PABPC4L: variants seen among roughly 807,000 people sequenced by gnomAD.
The protein encoded by PABPC4L is polyadenylate-binding protein 4-like.
For synonymous variants in PABPC4L, 169 were observed against 164.1 expected (o/e 1.03, Z -0.23); for missense variants, 452 against 451.4 (o/e 1.00, Z -0.01).
At chr4:134,062,032 A>C in the PABPC4L span, among the ~76,000 whole-genome samples, 1 of 151,946 alleles carries the variant, frequency 6.6e-6, no homozygotes, top group African/African-American at 2.4e-5. Context: ...ATATGATACT[A>C]ATCTTAAATC....
the PABPC4L span, among the ~76,000 whole-genome samples, chr4:134,097,947 G>A: frequency 6.6e-6 from 1 of 151,852 alleles, no homozygotes; most frequent in Admixed American, 6.6e-5. Context: ...GCAGTAGCTA[G>A]ACCTACTTCT....
the PABPC4L span, among the ~76,000 whole-genome samples, chr4:133,979,715 G>C: frequency 6.6e-6 from 1 of 152,086 alleles, no homozygotes; most frequent in African/African-American, 2.4e-5. Flanking sequence ...GTTTTTTAGA[G>C]AATATCAGGC....
At chr4:133,987,518 T>C in the PABPC4L span, among the ~76,000 whole-genome samples, 1 of 152,092 alleles carries the variant, frequency 6.6e-6, no homozygotes, top group Admixed American at 6.6e-5. Context: ...TTTTCACTTC[T>C]CTGAAATGAA....
the PABPC4L span, among the ~76,000 whole-genome samples, chr4:134,120,463 T>C: frequency 1.2e-3 from 181 of 150,294 alleles, no homozygotes; most frequent in African/African-American, 4.2e-3. Flanking sequence ...TATATTATAA[T>C]GTTCTTCATT....
At chr4:134,025,292 C>T in the PABPC4L span, among the ~76,000 whole-genome samples, 18 of 117,880 alleles carry the variant, frequency 1.5e-4, no homozygotes, top group South Asian at 1.5e-3. Context: ...GGCAACAGAG[C>T]GAGAATTCAT....
the PABPC4L span, among the ~76,000 whole-genome samples, chr4:134,152,081 T>A: frequency 6.6e-6 from 1 of 151,970 alleles, no homozygotes; most frequent in Non-Finnish European, 1.5e-5. Context: ...TTTATACAAG[T>A]GCCTTATATA....
the PABPC4L span, among the ~76,000 whole-genome samples, chr4:134,086,277 T>G: frequency 6.6e-6 from 1 of 152,076 alleles, no homozygotes; most frequent in East Asian, 1.9e-4. Flanking sequence ...TATTTGCAAA[T>G]ATTTTCTATA....
chr4:134,038,956 A>T, the PABPC4L span, among the ~76,000 whole-genome samples: 5 of 152,250 alleles, frequency 3.3e-5, no homozygotes, highest in South Asian at 1.0e-3. Context: ...TCTTGTAGGC[A>T]TTTAGTGCTA....
chr4:134,056,299 A>G, the PABPC4L span, among the ~76,000 whole-genome samples: 1 of 151,950 alleles, frequency 6.6e-6, no homozygotes, highest in Non-Finnish European at 1.5e-5. Context: ...CTCTTTTTCA[A>G]AATTGTTTTA....
At chr4:133,960,793 C>T in the PABPC4L span, among the ~76,000 whole-genome samples, 14 of 152,012 alleles carry the variant, frequency 9.2e-5, no homozygotes, top group African/African-American at 3.1e-4. Flanking sequence ...ACTGTGGCTT[C>T]CTCCCACTTC....
the PABPC4L span, among the ~76,000 whole-genome samples, chr4:134,051,067 G>A: frequency 6.6e-6 from 1 of 151,858 alleles, no homozygotes; most frequent in Non-Finnish European, 1.5e-5. Context: ...ATTATTAAAG[G>A]TTATCAACCA....
At chr4:134,066,772 GC>G in the PABPC4L span, among the ~76,000 whole-genome samples, 2 of 152,038 alleles carry the variant, frequency 1.3e-5, no homozygotes, top group Non-Finnish European at 2.9e-5. Context: ...TTTACTAAAA[GC>G]CTTTTTTGCA....
chr4:134,105,894 A>G, the PABPC4L span, among the ~76,000 whole-genome samples: 1 of 151,730 alleles, frequency 6.6e-6, no homozygotes, highest in Non-Finnish European at 1.5e-5. Flanking sequence ...AAGCTTTTAA[A>G]TAATTCAGTC....
At chr4:134,092,844 T>G in the PABPC4L span, among the ~76,000 whole-genome samples, 1 of 152,190 alleles carries the variant, frequency 6.6e-6, no homozygotes, top group African/African-American at 2.4e-5. Context: ...TTTGGAAGTT[T>G]AAAACAATTC....
the PABPC4L span, among the ~76,000 whole-genome samples, chr4:134,104,958 A>G: frequency 6.6e-6 from 1 of 151,796 alleles, no homozygotes; most frequent in Non-Finnish European, 1.5e-5. Flanking sequence ...TAAAGTTGAG[A>G]TATCAATTTG....
At position 134,200,087 on chromosome 4, in the gene PABPC4L, G is replaced by C; in HGVS notation, c.933C>G (p.Asn311Lys). 2 of 1,551,582 alleles carry C rather than the reference G, an allele frequency of 1.3e-6. No individual in the cohort carries two copies. Among genetic ancestry groups the C allele is most frequent in the Non-Finnish European group, 1.7e-6 (2 of 1,146,944 alleles). Residue 311 changes from asparagine to lysine, a missense_variant, in exon 2 of 2, where the codon AAC (asparagine) becomes AAG (lysine). Coordinates refer to ENST00000421491, the MANE Select transcript of PABPC4L (RefSeq NM_001114734.2). ...DDTIDDEKLR[N>K]EFSSFGSISR... Reference sequence around the variant, plus strand: ...TAATTGATCCAAATGAAGAAAATTCGTTTCGTAGTTTTTCATCATCGATGG... The same window carrying C: ...TAATTGATCCAAATGAAGAAAATTCCTTTCGTAGTTTTTCATCATCGATGG...
chr4:134,124,015 T>C, the PABPC4L span, among the ~76,000 whole-genome samples: 1 of 152,030 alleles, frequency 6.6e-6, no homozygotes, highest in Non-Finnish European at 1.5e-5. Flanking sequence ...TTAGGTGATT[T>C]TTAGAGAGAG....
chr4:134,166,172 G>T, the PABPC4L span, among the ~76,000 whole-genome samples: 1 of 151,996 alleles, frequency 6.6e-6, no homozygotes, highest in Non-Finnish European at 1.5e-5. Flanking sequence ...CTACATATTG[G>T]ATACAATGTA....
the PABPC4L span, among the ~76,000 whole-genome samples, chr4:134,000,553 G>T: frequency 6.6e-6 from 1 of 151,962 alleles, no homozygotes; most frequent in South Asian, 2.1e-4. Context: ...TTACTTTTAC[G>T]TGTCAAATTA....
Sources: gnomAD v4.1 joint callset for allele counts (sites outside exome capture counted in the v4.1 genomes callset) on GRCh38, gnomAD v4.1.1 for gene constraint, MANE v1.5 for transcripts, NCBI Gene and HGNC (gene_info 2026-07-23, HGNC 2026-07-21) for gene names.